SYNE1: variants seen among roughly 807,000 people sequenced by gnomAD.
SYNE1 encodes the protein spectrin repeat containing nuclear envelope protein 1.
Under a neutral mutation model 1,111.0 loss-of-function variants are expected in SYNE1, and 616 were observed. The ratio of observed to expected loss-of-function variants is 0.55; its 90% CI spans 0.52 to 0.59. The LOEUF (loss-of-function observed/expected upper bound fraction) is 0.59. Ranked by LOEUF, SYNE1 falls within the 20% of genes least tolerant of loss-of-function variation. The pLI is 0.00. For missense variants in SYNE1, 10,006 were observed against 10,417.0 expected (o/e 0.96, Z 1.72); for synonymous variants, 3,855 against 3,825.8 (o/e 1.01, Z -0.28).
chr6:152,242,154 T>C, intron 107 of SYNE1, 86 bp downstream of exon 107: 2 of 1,281,280 alleles, frequency 1.6e-6, no homozygotes, highest in Non-Finnish European at 2.3e-6. Flanking sequence ...AGACTGAGAA[T>C]ATTAGGTTTT....
intron 30 of SYNE1, 139 bp downstream of exon 30, chr6:152,444,272 T>A (rs996875985): frequency 2.0e-5 from 18 of 887,544 alleles, no homozygotes; most frequent in Middle Eastern, 5.6e-4. Context: ...AGCGCCAAAT[T>A]CTTTTAGCCA....
chr6:152,280,909 T>C (rs998933719), intron 97 of SYNE1, among the ~76,000 whole-genome samples: 1 of 152,176 alleles, frequency 6.6e-6, no homozygotes, highest in Admixed American at 6.5e-5. Flanking sequence ...ATCAATATTA[T>C]GAATCTCAAA....
chr6:152,423,325 C>T (rs2098297326), intron 39 of SYNE1, among the ~76,000 whole-genome samples: 1 of 152,156 alleles, frequency 6.6e-6, no homozygotes, highest in African/African-American at 2.4e-5. Context: ...CCTGAAGGCT[C>T]CTGTGTATAT....
At chr6:152,510,986 T>G (rs1283199474) in intron 7 of SYNE1, 25 bp downstream of exon 7, 5 of 1,599,404 alleles carry the variant, frequency 3.1e-6, no homozygotes, top group Non-Finnish European at 4.3e-6. Flanking sequence ...TTGCATCAAC[T>G]GAAAGAGGAA....
chr6:152,609,887 A>G (rs1185250291), intron 3 of SYNE1, among the ~76,000 whole-genome samples: 1 of 152,204 alleles, frequency 6.6e-6, no homozygotes, highest in Non-Finnish European at 1.5e-5. Flanking sequence ...ACTCCAACAG[A>G]CCTGTAGCTG....
rs535832317 is a variant in SYNE1 at position 152,467,169 on chromosome 6, G to A, written c.1633-1091C>T. 9.2e-5 allele frequency among the ~76,000 whole-genome samples: 14 copies of A among 152,136 alleles called. No homozygotes were observed. The South Asian group carries it at 2.9e-3, about 32-fold the overall frequency. ...ACTTATAAATTAACTATTCTTCAGG[G>A]ATAAAGTGAATAGAGAAAGCTGGAA... On this transcript the variant is annotated intron_variant, in intron 16 of 145. Coordinates refer to ENST00000367255, the MANE Select transcript of SYNE1 (RefSeq NM_182961.4).
intron 4 of SYNE1, among the ~76,000 whole-genome samples, chr6:152,535,709 T>G (rs1027285666): frequency 1.8e-4 from 28 of 152,152 alleles, no homozygotes; most frequent in African/African-American, 6.8e-4. Flanking sequence ...TCAATATAAA[T>G]ATTAAGATTG....
chr6:152,164,052 C>A, intron 131 of SYNE1, 111 bp downstream of exon 131: 1 of 1,453,664 alleles, frequency 6.9e-7, no homozygotes, highest in South Asian at 1.1e-5. Context: ...TCCTGCCTAG[C>A]TCCCTGCTGA....
At chr6:152,286,441 T>C (rs2094332543) in intron 95 of SYNE1, among the ~76,000 whole-genome samples, 1 of 152,324 alleles carries the variant, frequency 6.6e-6, no homozygotes, top group South Asian at 2.1e-4. Context: ...GTTCATTTTG[T>C]TGCACGGAGA....
At chr6:152,401,080 A>C (rs2097806380) in intron 47 of SYNE1, 58 bp downstream of exon 47, 1 of 1,558,458 alleles carries the variant, frequency 6.4e-7, no homozygotes. Flanking sequence ...TAGTCACCAC[A>C]AAACAGAACT....
At chr6:152,504,332 G>C (rs2099045892) in intron 9 of SYNE1, among the ~76,000 whole-genome samples, 1 of 151,976 alleles carries the variant, frequency 6.6e-6, no homozygotes, top group Non-Finnish European at 1.5e-5. Flanking sequence ...AACCTAACTG[G>C]GTCTCTGTAA....
chr6:152,330,358 G>C lies in SYNE1; in HGVS notation c.14327C>G (p.Thr4776Ser). ...TEQRVSLLEDTTSAYQEHEKM... is the reference protein window; with the variant it reads ...TEQRVSLLEDSTSAYQEHEKM... Reference sequence around the variant, plus strand: ...CTCGTGTTCTTGGTAAGCACTGGTGGTGTCTTCTAATAAGCTAACCCTCTG... The same window carrying C: ...CTCGTGTTCTTGGTAAGCACTGGTGCTGTCTTCTAATAAGCTAACCCTCTG... The change falls in exon 78 of 146, where the codon ACC (threonine) becomes AGC (serine). Residue 4776 changes from threonine to serine, a missense_variant. This residue lies in a region of SYNE1 where 4,955 missense variants were observed against 5,017.2 expected (regional missense o/e 0.99). Coordinates refer to ENST00000367255, the MANE Select transcript of SYNE1 (RefSeq NM_182961.4). 6.2e-7 allele frequency: 1 copy of C among 1,614,116 alleles called. No individual in the cohort carries two copies. The highest frequency in any genetic ancestry group is 8.5e-7 in the Non-Finnish European group (1 of 1,180,024).
chr6:152,358,223 A>T, intron 66 of SYNE1, 150 bp downstream of exon 66: 1 of 1,085,620 alleles, frequency 9.2e-7, no homozygotes, highest in Non-Finnish European at 1.4e-6. Flanking sequence ...GAGGTCTCAG[A>T]ATGTTCTTGA....
rs117486474 is a variant in SYNE1 at position 152,314,229 on chromosome 6, G to A, written c.16710+2620C>T. Among the ~76,000 whole-genome samples, 26 of 152,288 alleles carry A rather than the reference G, an allele frequency of 1.7e-4. 1 individual carries two copies. The East Asian group carries it at 4.6e-3, about 27-fold the overall frequency. ...ATATCAGTTTCAGAGGCTTCAGAGTGACTTCAGGATAAAGTCCAAATTCCC... is the reference window on the plus strand; with the variant it reads ...ATATCAGTTTCAGAGGCTTCAGAGTAACTTCAGGATAAAGTCCAAATTCCC... On this transcript the variant is annotated intron_variant, in intron 87 of 145. Coordinates refer to ENST00000367255, the MANE Select transcript of SYNE1 (RefSeq NM_182961.4).
intron 97 of SYNE1, among the ~76,000 whole-genome samples, chr6:152,280,038 T>C (rs775793462): frequency 2.6e-5 from 4 of 152,150 alleles, no homozygotes; most frequent in Non-Finnish European, 5.9e-5. Flanking sequence ...ACCACAGCAA[T>C]TGTAAAACTG....
intron 127 of SYNE1, among the ~76,000 whole-genome samples, chr6:152,190,280 C>G (rs2071854127): frequency 6.6e-6 from 1 of 152,134 alleles, no homozygotes; most frequent in Non-Finnish European, 1.5e-5. Flanking sequence ...ATCTCTAACT[C>G]TAGTCCTCTT....
intron 3 of SYNE1, among the ~76,000 whole-genome samples, chr6:152,601,498 A>C (rs2099595964): frequency 6.6e-6 from 1 of 152,332 alleles, no homozygotes; most frequent in Non-Finnish European, 1.5e-5. Context: ...TGTCGCCTAC[A>C]CAAGGTGAGG....
chr6:152,525,610 A>G lies in SYNE1; in HGVS notation c.225+470T>C, dbSNP rs191779672. Reference sequence around the variant, plus strand: ...GAACAGGCTGTTCTTGCTACAAATGATGGATGATGGATGATGTCAACAAGA... The same window carrying G: ...GAACAGGCTGTTCTTGCTACAAATGGTGGATGATGGATGATGTCAACAAGA... On this transcript the variant is annotated intron_variant, in intron 5 of 145. Transcript: ENST00000367255. Among the ~76,000 whole-genome samples, 499 of 152,248 alleles carry G rather than the reference A, an allele frequency of 3.3e-3. 5 individuals carry two copies. The highest frequency in any genetic ancestry group is 0.01 in the African/African-American group (435 of 41,552).
chr6:152,189,333 G>C lies in SYNE1; in HGVS notation c.23220C>G (p.Ala7740=). The change falls in exon 128 of 146, where the codon GCC becomes GCG. Residue 7740 remains alanine (A), a synonymous_variant. Coordinates refer to ENST00000367255, the MANE Select transcript of SYNE1 (RefSeq NM_182961.4). ...TGGAGATATCATCAGCACTGATATA[G>C]GCAGAGAGGGTGTCCTTCAGCAGGC... ...QLSLLKDTLS[A]YISADDISIL... 6.2e-7 allele frequency: 1 copy of C among 1,614,038 alleles called. No individual in the cohort carries two copies. Among genetic ancestry groups the C allele is most frequent in the Non-Finnish European group, 8.5e-7 (1 of 1,179,952 alleles).
Sources: gnomAD v4.1 joint callset for allele counts (sites outside exome capture counted in the v4.1 genomes callset) on GRCh38, gnomAD v4.1.1 for gene constraint, gnomAD v4.1.1 regional missense constraint, MANE v1.5 for transcripts, NCBI Gene and HGNC (gene_info 2026-07-23, HGNC 2026-07-21) for gene names.